The following CCNY variants were observed in gnomAD, a reference collection of about 807,000 sequenced individuals.
The protein encoded by CCNY is cyclin-Y.
A neutral mutation model predicts 42.8 loss-of-function variants in CCNY; 19 were observed. The observed-to-expected ratio is 0.44, with a 90% CI of 0.31 to 0.65. The LOEUF (loss-of-function observed/expected upper bound fraction) is 0.65, where lower values mean the gene tolerates loss of function less well. CCNY is among the 30% of genes least tolerant of loss of function. CCNY has a pLI of 0.07. For missense variants in CCNY, 370 were observed against 437.3 expected, an observed-to-expected ratio of 0.85 and a Z score of 1.37; for synonymous variants, 165 against 162.7, an observed-to-expected ratio of 1.01 and a Z score of -0.11.
intron 7 of CCNY, among the ~76,000 whole-genome samples, chr10:35,537,732 A>G (rs1840914662): frequency 6.6e-6 from 1 of 152,044 alleles, no homozygotes; most frequent in Non-Finnish European, 1.5e-5. Context: ...CCCCCATTGT[A>G]TCTAGGAAGT....
chr10:35,558,684 C>T (rs1484782218), intron 8 of CCNY, among the ~76,000 whole-genome samples: 2 of 152,166 alleles, frequency 1.3e-5, no homozygotes, highest in African/African-American at 4.8e-5. Flanking sequence ...GATTAGGACA[C>T]AGACAACACA....
chr10:35,572,070 T>C lies in CCNY; in HGVS notation c.*2900T>C, dbSNP rs535746335. 9 of 152,212 alleles carry C rather than the reference T, an allele frequency of 5.9e-5. No individual in the cohort carries two copies. Among genetic ancestry groups the C allele is most frequent in the African/African-American group, 1.9e-4 (8 of 41,528 alleles). 9.4% of individuals were successfully genotyped at this position (152,212 alleles called of 1,614,324 possible). A position where few individuals can be genotyped will look rare whatever the true frequency, so the allele number is the denominator to read the frequency against. ...CAAGATCGGGATGTGCCTTCATGCATGAGGTGAGGCCAGAGGTGTGGGCAC... is the reference window on the plus strand; with the variant it reads ...CAAGATCGGGATGTGCCTTCATGCACGAGGTGAGGCCAGAGGTGTGGGCAC... On this transcript the variant is annotated 3_prime_UTR_variant, in exon 10 of 10. Coordinates refer to ENST00000374704, the MANE Select transcript of CCNY (RefSeq NM_145012.6).
At chr10:35,517,201 A>G (rs1840447817) in intron 4 of CCNY, among the ~76,000 whole-genome samples, 1 of 152,164 alleles carries the variant, frequency 6.6e-6, no homozygotes, top group African/African-American at 2.4e-5. Context: ...AATGGAGTTT[A>G]TAAGGGAGGA....
chr10:35,454,341 G>T (rs553650241), intron 1 of CCNY, among the ~76,000 whole-genome samples: 1 of 152,334 alleles, frequency 6.6e-6, no homozygotes, highest in South Asian at 2.1e-4. Flanking sequence ...CACATGATCT[G>T]CAGGAAAGAC....
At chr10:35,560,113 C>T (rs1013685954) in intron 8 of CCNY, among the ~76,000 whole-genome samples, 1 of 152,150 alleles carries the variant, frequency 6.6e-6, no homozygotes, top group Non-Finnish European at 1.5e-5. Flanking sequence ...TAGGATGAAT[C>T]ATACCTCAAT....
At chr10:35,560,342 A>C (rs1396124987) in intron 8 of CCNY, among the ~76,000 whole-genome samples, 1 of 152,192 alleles carries the variant, frequency 6.6e-6, no homozygotes, top group Non-Finnish European at 1.5e-5. Context: ...GTGTTTGAGA[A>C]TGTAACCATG....
intron 3 of CCNY, among the ~76,000 whole-genome samples, chr10:35,308,907 G>A (rs757954288): frequency 6.6e-6 from 1 of 152,132 alleles, no homozygotes; most frequent in Admixed American, 6.6e-5. Flanking sequence ...ATTAGAGAGG[G>A]AGGGTGAGAG....
chr10:35,262,322 C>CATTTTATTTT (rs144902785), intron 3 of CCNY, among the ~76,000 whole-genome samples: 12,931 of 110,278 alleles, frequency 0.12, 1,064 homozygotes, highest in South Asian at 0.17. Flanking sequence ...CAACATGAGT[C>CATTTTATTTT]ATTTTATTTT....
intron 1 of CCNY, among the ~76,000 whole-genome samples, chr10:35,369,311 G>C (rs1193956824): frequency 1.3e-5 from 2 of 152,174 alleles, no homozygotes; most frequent in African/African-American, 2.4e-5. Context: ...CCTCCTGCCA[G>C]AGGCATCTGC....
chr10:35,315,268 TC>T (rs1273838442), intron 3 of CCNY: 4 of 152,052 alleles, frequency 2.6e-5, no homozygotes, highest in Admixed American at 6.6e-5. Context: ...CCTCTTACCC[TC>T]CTCCCTCAAG....
intron 3 of CCNY, among the ~76,000 whole-genome samples, chr10:35,275,017 CA>C (rs1182561070): frequency 6.8e-6 from 1 of 146,294 alleles, no homozygotes; most frequent in African/African-American, 2.6e-5. Context: ...CTGAGGGTGG[CA>C]TTGCGTTCTA....
chr10:35,403,966 C>T (rs1019149818), intron 1 of CCNY, among the ~76,000 whole-genome samples: 3 of 152,122 alleles, frequency 2.0e-5, no homozygotes, highest in Admixed American at 2.0e-4. Context: ...CAGAGACATA[C>T]AGTCATGGGG....
chr10:35,307,067 T>C (rs1251576201), intron 3 of CCNY, among the ~76,000 whole-genome samples: 4 of 152,164 alleles, frequency 2.6e-5, no homozygotes, highest in African/African-American at 9.7e-5. Context: ...GCTGCAGTGC[T>C]TCAGTGCTGC....
chr10:35,347,137 G>T (rs1158338334), intron 1 of CCNY, among the ~76,000 whole-genome samples: 1 of 152,206 alleles, frequency 6.6e-6, no homozygotes, highest in Admixed American at 6.5e-5. Context: ...CCTTATTGGG[G>T]ATGTGTAGTG....
intron 3 of CCNY, among the ~76,000 whole-genome samples, chr10:35,274,303 A>G (rs938253880): frequency 1.3e-5 from 2 of 152,122 alleles, no homozygotes; most frequent in African/African-American, 4.8e-5. Flanking sequence ...CCATGATTCA[A>G]TTATCTCCCA....
At chr10:35,531,949 T>C (rs1009546486) in intron 7 of CCNY, among the ~76,000 whole-genome samples, 1 of 152,260 alleles carries the variant, frequency 6.6e-6, no homozygotes, top group Admixed American at 6.5e-5. Flanking sequence ...AGTTCATTTC[T>C]TTGGAGTAGT....
chr10:35,300,600 C>T (rs1835522488), intron 3 of CCNY, among the ~76,000 whole-genome samples: 1 of 152,058 alleles, frequency 6.6e-6, no homozygotes, highest in Non-Finnish European at 1.5e-5. Flanking sequence ...TTCGCTTATA[C>T]AATTTATTTT....
At chr10:35,410,139 C>G (rs375788878) in intron 1 of CCNY, among the ~76,000 whole-genome samples, 2 of 152,176 alleles carry the variant, frequency 1.3e-5, no homozygotes, top group Admixed American at 1.3e-4. Context: ...GAGCCAGAGA[C>G]AGACACATGG....
At chr10:35,531,298 G>A (rs1397292835) in intron 7 of CCNY, among the ~76,000 whole-genome samples, 2 of 152,178 alleles carry the variant, frequency 1.3e-5, no homozygotes, top group Non-Finnish European at 2.9e-5. Context: ...AGCTTTACAG[G>A]CGACCGAAGG....
Sources: allele counts gnomAD v4.1 joint callset (sites outside exome capture counted in the v4.1 genomes callset), GRCh38; gene constraint gnomAD v4.1.1; transcripts MANE v1.5; gene names NCBI Gene and HGNC (gene_info 2026-07-23, HGNC 2026-07-21).